Variants in VDAC3 observed in about 807,000 individuals in gnomAD.
VDAC3 encodes the protein non-selective voltage-gated ion channel VDAC3.
In VDAC3, 7 loss-of-function variants were observed where a neutral mutation model predicts 33.9. The observed-to-expected ratio is 0.21, with a 90% CI of 0.12 to 0.39. The LOEUF (loss-of-function observed/expected upper bound fraction) is 0.39. Ranked by LOEUF, VDAC3 falls within the 10% of genes least tolerant of loss-of-function variation. The pLI is 1.00. For missense variants in VDAC3, 261 were observed against 334.5 expected, an observed-to-expected ratio of 0.78 and a Z score of 1.71; for synonymous variants, 100 against 122.4, an observed-to-expected ratio of 0.82 and a Z score of 1.21.
rs1015252322 is a variant in VDAC3 at position 42,392,017 on chromosome 8, G to A, written c.-43+89G>A. 2.6e-5 allele frequency: 4 copies of A among 152,594 alleles called. No individual in the cohort carries two copies. The East Asian group carries it at 7.7e-4, about 29-fold the overall frequency. The allele number at this position is 152,594 out of a possible 1,614,324, so 9.5% of individuals were successfully genotyped here. On this transcript the variant is annotated intron_variant, in intron 1 of 9. Transcript: ENST00000022615. ...GCGCCAGGCGGGAGGCGGGCCTAACGGAGGCTCTGTGGGCAGGGAGCAGGC... is the reference window on the plus strand; with the variant it reads ...GCGCCAGGCGGGAGGCGGGCCTAACAGAGGCTCTGTGGGCAGGGAGCAGGC...
intron 4 of VDAC3, among the ~76,000 whole-genome samples, chr8:42,397,962 C>A (rs201360392): frequency 1.1e-4 from 12 of 105,926 alleles, no homozygotes; most frequent in African/African-American, 1.0e-3. Flanking sequence ...TAAAAAAAAA[C>A]ATTTTTAAAA....
intron 8 of VDAC3, among the ~76,000 whole-genome samples, chr8:42,403,989 C>G (rs1031510183): frequency 6.6e-6 from 1 of 152,006 alleles, no homozygotes; most frequent in African/African-American, 2.4e-5. Flanking sequence ...ACTTTGGCCT[C>G]AGAATTTTCT....
chr8:42,399,688 T>C lies in VDAC3; in HGVS notation c.308T>C (p.Phe103Ser). ...EGLKLTLDTI[F>S]VPNTGKKSGK... ...TTGAAACTGACTCTTGATACCATAT[T>C]TGTACCGAACACAGGGTAATTATTC... The change falls in exon 6 of 10, where the codon TTT becomes TCT. Residue 103 changes from phenylalanine to serine, a missense_variant. Coordinates refer to ENST00000022615, the MANE Select transcript of VDAC3 (RefSeq NM_005662.7). 6.2e-7 allele frequency: 1 copy of C among 1,612,310 alleles called. No homozygotes were observed. The highest frequency in any genetic ancestry group is 8.5e-7 in the Non-Finnish European group (1 of 1,178,952).
intron 3 of VDAC3, 27 bp from the exon 4 acceptor site, chr8:42,395,057 T>C: frequency 1.2e-6 from 2 of 1,613,646 alleles, no homozygotes; most frequent in Non-Finnish European, 1.7e-6. Flanking sequence ...TGTACATTAC[T>C]GTGTTTTTGT....
chr8:42,392,131 A>T (rs1275464007), intron 1 of VDAC3, among the ~76,000 whole-genome samples: 1 of 152,214 alleles, frequency 6.6e-6, no homozygotes, highest in African/African-American at 2.4e-5. Flanking sequence ...CGGCGGGGCA[A>T]GTGGCCTCCG....
intron 4 of VDAC3, chr8:42,397,740 G>A (rs1472700488): frequency 6.6e-6 from 1 of 152,144 alleles, no homozygotes; most frequent in Non-Finnish European, 1.5e-5. Context: ...AGGATAGAAA[G>A]GGGGAAAGAA....
At chr8:42,400,809 G>T (rs953407392) in intron 6 of VDAC3, among the ~76,000 whole-genome samples, 1 of 150,820 alleles carries the variant, frequency 6.6e-6, no homozygotes, top group Non-Finnish European at 1.5e-5. Context: ...GGGACTACAG[G>T]CATGCACCAC....
At chr8:42,398,292 G>A (rs921477279) in intron 4 of VDAC3, among the ~76,000 whole-genome samples, 3 of 152,196 alleles carry the variant, frequency 2.0e-5, no homozygotes, top group Non-Finnish European at 4.4e-5. Context: ...GTCTCACTCC[G>A]TTGCCCAGGC....
chr8:42,395,776 T>G (rs1236172347), intron 4 of VDAC3, among the ~76,000 whole-genome samples: 18 of 132,194 alleles, frequency 1.4e-4, no homozygotes, highest in East Asian at 6.8e-4. Flanking sequence ...TGGTCAACAT[T>G]CTGAAACCCC....
intron 7 of VDAC3, 48 bp from the exon 8 acceptor site, chr8:42,403,263 A>G (rs370784401): frequency 7.5e-6 from 12 of 1,596,422 alleles, no homozygotes; most frequent in Non-Finnish European, 1.0e-5. Context: ...CCATAATAAC[A>G]ATGGTACAAA....
Position 42,405,782 on chromosome 8 carries a change from G to T in VDAC3, c.*320G>T. 1 of 232,166 alleles carries T rather than the reference G, an allele frequency of 4.3e-6. No individual in the cohort carries two copies. The highest frequency in any genetic ancestry group is 8.4e-6 in the Non-Finnish European group (1 of 118,702). 14.4% of individuals were successfully genotyped at this position (232,166 alleles called of 1,614,324 possible). A position where few individuals can be genotyped will look rare whatever the true frequency, so the allele number is the denominator to read the frequency against. On this transcript the variant is annotated 3_prime_UTR_variant, in exon 10 of 10. Transcript: ENST00000022615. ...CCCACCAGTTTGTACATCACGTCCTGCATGTCCCACACCATTTTTTCATGA... is the reference window on the plus strand; with the variant it reads ...CCCACCAGTTTGTACATCACGTCCTTCATGTCCCACACCATTTTTTCATGA...
intron 1 of VDAC3, among the ~76,000 whole-genome samples, chr8:42,393,578 T>C (rs1802248070): frequency 6.6e-6 from 1 of 152,252 alleles, no homozygotes; most frequent in Admixed American, 6.5e-5. Flanking sequence ...CTGAGGTTTT[T>C]GAAGGCTTTA....
intron 5 of VDAC3, 25 bp from the exon 6 acceptor site, chr8:42,399,625 AT>A: frequency 1.3e-6 from 2 of 1,593,878 alleles, no homozygotes; most frequent in African/African-American, 1.3e-5. Flanking sequence ...ATTACTAATT[AT>A]TTATTTTAAA....
At chr8:42,402,866 G>T (rs1444253750) in intron 7 of VDAC3, among the ~76,000 whole-genome samples, 3 of 152,214 alleles carry the variant, frequency 2.0e-5, no homozygotes, top group African/African-American at 7.2e-5. Flanking sequence ...TATCGTAGGA[G>T]GGTGCTTTCT....
intron 7 of VDAC3, 156 bp downstream of exon 7, chr8:42,402,171 T>C (rs1802426745): frequency 2.6e-6 from 2 of 783,462 alleles, no homozygotes; most frequent in Admixed American, 2.5e-5. Flanking sequence ...GCCAGGAGGC[T>C]GGTGCACGTG....
In VDAC3 at chr8:42,401,881, T is replaced by C. The variant is rs202057696; in HGVS notation, c.417T>C (p.Tyr139=). Residue 139 remains tyrosine (Y), a synonymous_variant, in exon 7 of 10, where the codon TAT becomes TAC. Transcript: ENST00000022615. ...VDIDFSGPTI[Y]GWAVLAFEGW... The stretch of plus-strand genomic sequence containing the variant: ...TAGATTTTTCTGGACCAACCATCTA[T>C]GGCTGGGCTGTGTTGGCCTTCGAAG... 99 of 1,614,144 alleles carry C rather than the reference T, an allele frequency of 6.1e-5. No individual in the cohort carries two copies. The highest frequency in any genetic ancestry group is 1.8e-4 in the Admixed American group (11 of 60,012).
intron 4 of VDAC3, chr8:42,396,869 CTATATGCATGT>C (rs780393071): frequency 9.0e-6 from 5 of 558,648 alleles, no homozygotes; most frequent in Admixed American, 3.6e-5. Flanking sequence ...TAATGTAGAG[CTATATGCATGT>C]TATATGCATG....
Position 42,395,124 on chromosome 8 carries a change from T to A in VDAC3, c.108T>A (p.Cys36Ter). The change falls in exon 4 of 10, where the codon TGT (cysteine) becomes TGA (stop). Residue 36 changes from cysteine to a stop codon, truncating the protein, a stop_gained. Transcript: ENST00000022615. LOFTEE classifies it high-confidence loss of function. Reference protein sequence around the residue: ...MVKIDLKTKSCSGVEFSTSGH... With the variant: ...MVKIDLKTKS ...AGATAGACCTGAAAACCAAGTCTTG[T>A]AGTGGAGTGGTGAGTATCTAATATA... 1 of 1,613,924 alleles carries A rather than the reference T, an allele frequency of 6.2e-7. No homozygotes were observed.
chr8:42,402,166 G>A, intron 7 of VDAC3, 151 bp downstream of exon 7: 1 of 859,068 alleles, frequency 1.2e-6, no homozygotes, highest in Non-Finnish European at 1.8e-6. Context: ...ACCTTGCCAG[G>A]AGGCTGGTGC....
Sources: gnomAD v4.1 joint callset for allele counts (sites outside exome capture counted in the v4.1 genomes callset) on GRCh38, gnomAD v4.1.1 for gene constraint, MANE v1.5 for transcripts, NCBI Gene and HGNC (gene_info 2026-07-23, HGNC 2026-07-21) for gene names.